The following MCTP2 variants were observed in gnomAD, a reference collection of about 807,000 sequenced individuals.
MCTP2 encodes multiple C2 and transmembrane domain containing 2.
Under a neutral mutation model 111.6 loss-of-function variants are expected in MCTP2, and 132 were observed. The ratio of observed to expected loss-of-function variants is 1.18; its 90% CI spans 1.03 to 1.37. The LOEUF (loss-of-function observed/expected upper bound fraction) is 1.37, where lower values mean the gene tolerates loss of function less well. MCTP2 is among the 40% of genes most tolerant of loss of function. The probability of loss-of-function intolerance (pLI) is 0.00; values close to 1 mark genes in which losing one functional copy is unlikely to be tolerated. For synonymous variants in MCTP2, 395 were observed against 387.7 expected (o/e 1.02, Z -0.22); for missense variants, 1,183 against 1,067.9 (o/e 1.11, Z -1.50).
intron 10 of MCTP2, among the ~76,000 whole-genome samples, chr15:94,366,411 A>G (rs1350589109): frequency 2.0e-5 from 3 of 152,226 alleles, no homozygotes; most frequent in Non-Finnish European, 4.4e-5. Context: ...AAATCTTGTA[A>G]TAAAGTCTAG....
At chr15:94,264,699 G>A (rs886861718) in intron 1 of MCTP2, among the ~76,000 whole-genome samples, 1 of 152,156 alleles carries the variant, frequency 6.6e-6, no homozygotes, top group Non-Finnish European at 1.5e-5. Context: ...TGGCACATAA[G>A]CCCTCAAGTG....
chr15:94,308,976 C>A (rs1161750023), intron 2 of MCTP2, among the ~76,000 whole-genome samples: 3 of 152,182 alleles, frequency 2.0e-5, no homozygotes, highest in Non-Finnish European at 4.4e-5. Context: ...ATTAGACAGT[C>A]AATACAGCAG....
At chr15:94,364,231 C>A (rs755084654) in intron 10 of MCTP2, among the ~76,000 whole-genome samples, 3 of 152,120 alleles carry the variant, frequency 2.0e-5, no homozygotes, top group East Asian at 1.9e-4. Flanking sequence ...TTGTCTGTTA[C>A]TGCTTTTATG....
chr15:94,342,077 C>G (rs773473385), intron 7 of MCTP2: 1 of 151,918 alleles, frequency 6.6e-6, no homozygotes, highest in Non-Finnish European at 1.5e-5. Context: ...AGTTATTTGT[C>G]ACGTGGTTGA....
chr15:94,461,615 A>G (rs1295900250), intron 20 of MCTP2, among the ~76,000 whole-genome samples: 1 of 152,276 alleles, frequency 6.6e-6, no homozygotes, highest in East Asian at 1.9e-4. Flanking sequence ...TCCACAGAGG[A>G]GATACTGAGA....
chr15:94,337,710 T>C (rs1228363728), intron 4 of MCTP2, among the ~76,000 whole-genome samples: 1 of 146,752 alleles, frequency 6.8e-6, no homozygotes, highest in Non-Finnish European at 1.5e-5. Context: ...CGCGTGTGCA[T>C]GCCCAAGTTT....
At chr15:94,336,475 C>T (rs1269072777) in intron 4 of MCTP2, among the ~76,000 whole-genome samples, 2 of 152,074 alleles carry the variant, frequency 1.3e-5, no homozygotes, top group African/African-American at 2.4e-5. Flanking sequence ...CTGGAGTGCT[C>T]AGCATGGAGC....
intron 1 of MCTP2, among the ~76,000 whole-genome samples, chr15:94,235,793 G>C (rs2070496762): frequency 6.6e-6 from 1 of 152,322 alleles, no homozygotes; most frequent in Admixed American, 6.5e-5. Flanking sequence ...CAGGCTGTCT[G>C]GTTTTAGAAC....
intron 14 of MCTP2, among the ~76,000 whole-genome samples, chr15:94,388,205 G>A (rs1013221698): frequency 3.3e-5 from 5 of 152,190 alleles, no homozygotes; most frequent in Admixed American, 6.5e-5. Flanking sequence ...GTACATCCAG[G>A]AATAACCCCT....
intron 1 of MCTP2, among the ~76,000 whole-genome samples, chr15:94,244,242 G>GTA: frequency 9.8e-6 from 1 of 102,086 alleles, no homozygotes; most frequent in Non-Finnish European, 2.1e-5. Flanking sequence ...ATATACACGT[G>GTA]TATACACATA....
At chr15:94,311,016 CTTT>C (rs761053094) in intron 2 of MCTP2, among the ~76,000 whole-genome samples, 2 of 127,982 alleles carry the variant, frequency 1.6e-5, no homozygotes, top group Non-Finnish European at 1.6e-5. Flanking sequence ...GGGAACTTTC[CTTT>C]TTTTTTTTTT....
rs536420139 is a variant in MCTP2, at chr15:94,480,567, A to G, written c.*1533A>G. ...AGTAAATCTCGTAGTTGTACATACA[A>G]TAGATACCCAAGAACCTCTTTTGTT... On this transcript the variant is annotated 3_prime_UTR_variant, in exon 23 of 23. Transcript: ENST00000357742. The G allele has an allele frequency of 7.9e-5, 12 of 152,348 alleles. No individual in the cohort carries two copies. Among genetic ancestry groups the G allele is most frequent in the Admixed American group, 5.2e-4 (8 of 15,302 alleles). 9.4% of individuals were successfully genotyped at this position (152,348 alleles called of 1,614,324 possible). A position where few individuals can be genotyped will look rare whatever the true frequency, so the allele number is the denominator to read the frequency against.
chr15:94,300,860 T>C (rs971305952), intron 2 of MCTP2, among the ~76,000 whole-genome samples: 6 of 151,980 alleles, frequency 3.9e-5, no homozygotes, highest in African/African-American at 1.5e-4. Flanking sequence ...CAGCCTGAAG[T>C]GTGGATGGGT....
chr15:94,378,951 G>T (rs970755749), intron 12 of MCTP2, among the ~76,000 whole-genome samples: 1 of 152,182 alleles, frequency 6.6e-6, no homozygotes, highest in Non-Finnish European at 1.5e-5. Flanking sequence ...CATACAGCAG[G>T]CATTATAATG....
intron 20 of MCTP2, among the ~76,000 whole-genome samples, chr15:94,464,269 A>AATATATATATATTATATATATATATAT (rs2085451388): frequency 3.3e-5 from 2 of 61,500 alleles, no homozygotes; most frequent in African/African-American, 1.1e-4. Flanking sequence ...ATATATATAT[A>AATATATATATATTATATATATATATAT]TATATATATA....
At chr15:94,358,748 GC>G in intron 10 of MCTP2, 136 bp downstream of exon 10, 2 of 993,202 alleles carry the variant, frequency 2.0e-6, no homozygotes, top group Non-Finnish European at 2.9e-6. Flanking sequence ...GAGCTGGATG[GC>G]CAGTCCTAAC....
At chr15:94,477,130 G>T (rs1264564475) in intron 22 of MCTP2, among the ~76,000 whole-genome samples, 1 of 152,158 alleles carries the variant, frequency 6.6e-6, no homozygotes, top group Non-Finnish European at 1.5e-5. Flanking sequence ...TCCAAACCCA[G>T]GGAGTGTTGC....
At chr15:94,356,808 TAAAC>T in intron 9 of MCTP2, among the ~76,000 whole-genome samples, 1 of 152,336 alleles carries the variant, frequency 6.6e-6, no homozygotes, top group Non-Finnish European at 1.5e-5. Flanking sequence ...TGATTTATTT[TAAAC>T]AAACATAATG....
intron 17 of MCTP2, among the ~76,000 whole-genome samples, chr15:94,436,390 G>T (rs1042939801): frequency 8.6e-5 from 13 of 152,026 alleles, no homozygotes; most frequent in Non-Finnish European, 1.3e-4. Flanking sequence ...TTTTTCTGGG[G>T]TTTATATTTG....
Sources: allele counts gnomAD v4.1 joint callset (sites outside exome capture counted in the v4.1 genomes callset), GRCh38; gene constraint gnomAD v4.1.1; transcripts MANE v1.5; gene names NCBI Gene and HGNC (gene_info 2026-07-23, HGNC 2026-07-21).